Variants in SNX29 observed in about 807,000 individuals in gnomAD.
SNX29 encodes the protein sorting nexin-29.
A neutral mutation model predicts 102.1 loss-of-function variants in SNX29; 78 were observed. That is an observed-to-expected ratio of 0.76 (90% confidence interval 0.64 to 0.92). The LOEUF (loss-of-function observed/expected upper bound fraction) is 0.92, where lower values mean the gene tolerates loss of function less well. SNX29 is among the 40% of genes least tolerant of loss of function. SNX29 has a pLI of 0.00. For synonymous variants in SNX29, 580 were observed against 414.5 expected, an observed-to-expected ratio of 1.40 and a Z score of -4.85; for missense variants, 1,280 against 1,061.7, an observed-to-expected ratio of 1.21 and a Z score of -2.86.
chr16:12,412,368 A>G (rs58266676), intron 18 of SNX29, among the ~76,000 whole-genome samples: 14,791 of 152,182 alleles, frequency 0.097, 1,175 homozygotes, highest in African/African-American at 0.21. Flanking sequence ...TGTGCTTCAC[A>G]AATTTGTCTC....
At chr16:12,063,933 G>T (rs1247088818) in intron 9 of SNX29, among the ~76,000 whole-genome samples, 3 of 152,094 alleles carry the variant, frequency 2.0e-5, no homozygotes, top group African/African-American at 4.8e-5. Context: ...TTCAGCGGCA[G>T]TGTAGATGCA....
chr16:12,293,971 G>T (rs891123560), intron 15 of SNX29, among the ~76,000 whole-genome samples: 1 of 152,226 alleles, frequency 6.6e-6, no homozygotes, highest in African/African-American at 2.4e-5. Flanking sequence ...GGAGGAAACT[G>T]AGGTGTGGTG....
chr16:12,533,019 G>C (rs1227585193), intron 20 of SNX29, among the ~76,000 whole-genome samples: 4 of 152,188 alleles, frequency 2.6e-5, no homozygotes, highest in Non-Finnish European at 5.9e-5. Context: ...TGGGGAGAGT[G>C]CCACCAACAA....
intron 13 of SNX29, among the ~76,000 whole-genome samples, chr16:12,167,416 T>C (rs915539914): frequency 6.6e-6 from 1 of 152,136 alleles, no homozygotes; most frequent in African/African-American, 2.4e-5. Flanking sequence ...GCTCTTGATA[T>C]TTCTTGTTCC....
In SNX29 at chr16:12,415,629, A is replaced by G. The variant is rs563214573; in HGVS notation, c.2037+12100A>G. 3.2e-4 allele frequency among the ~76,000 whole-genome samples: 49 copies of G among 152,224 alleles called. No individual in the cohort carries two copies. The South Asian group carries it at 9.7e-3, about 30-fold the overall frequency. ...TCCGTCAGACCTTCCATCCCACCTG[A>G]TGATTGGGGCTGGTCTAGGATGTTA... On this transcript the variant is annotated intron_variant, in intron 18 of 20. Transcript: ENST00000566228.
At chr16:12,439,980 G>A (rs1479623425) in intron 18 of SNX29, among the ~76,000 whole-genome samples, 1 of 152,128 alleles carries the variant, frequency 6.6e-6, no homozygotes, top group Non-Finnish European at 1.5e-5. Context: ...GGGGACGTGG[G>A]GATGCAGCCC....
intron 9 of SNX29, among the ~76,000 whole-genome samples, chr16:12,062,776 A>G (rs1467621135): frequency 6.6e-6 from 1 of 152,174 alleles, no homozygotes; most frequent in African/African-American, 2.4e-5. Flanking sequence ...TGGGGTGTAG[A>G]TTCTTCCTGT....
intron 20 of SNX29, among the ~76,000 whole-genome samples, chr16:12,540,677 T>C (rs1262317223): frequency 2.6e-5 from 4 of 152,160 alleles, no homozygotes; most frequent in African/African-American, 9.7e-5. Context: ...CAGCTGCTGG[T>C]CCCTCTTGTT....
chr16:12,539,152 T>C (rs1036276652), intron 20 of SNX29, among the ~76,000 whole-genome samples: 2 of 152,304 alleles, frequency 1.3e-5, no homozygotes, highest in East Asian at 1.9e-4. Context: ...CAATTGACTT[T>C]TGCTCTTGTT....
chr16:12,291,467 CGTG>C (rs966070405), intron 15 of SNX29, among the ~76,000 whole-genome samples: 3 of 152,146 alleles, frequency 2.0e-5, no homozygotes, highest in African/African-American at 7.2e-5. Flanking sequence ...TCCCACGACA[CGTG>C]GGAATTGTGG....
intron 16 of SNX29, among the ~76,000 whole-genome samples, chr16:12,358,522 C>G (rs2082207635): frequency 6.6e-6 from 1 of 152,190 alleles, no homozygotes; most frequent in South Asian, 2.1e-4. Flanking sequence ...CCTTCTCCTG[C>G]TCTCTTTTCA....
At chr16:12,116,351 C>T (rs924990604) in intron 11 of SNX29, among the ~76,000 whole-genome samples, 2 of 152,152 alleles carry the variant, frequency 1.3e-5, no homozygotes, top group Admixed American at 6.5e-5. Flanking sequence ...GTGGCATATC[C>T]ATACAGTGGA....
intron 4 of SNX29, among the ~76,000 whole-genome samples, chr16:12,040,104 C>T (rs1391763063): frequency 6.6e-6 from 1 of 152,182 alleles, no homozygotes; most frequent in Non-Finnish European, 1.5e-5. Flanking sequence ...TGGCTCCCGA[C>T]TGTAATCCTA....
chr16:12,030,327 A>T (rs556129459), intron 4 of SNX29, among the ~76,000 whole-genome samples: 1 of 152,252 alleles, frequency 6.6e-6, no homozygotes, highest in South Asian at 2.1e-4. Context: ...GAATGTCTCT[A>T]TTTGGCGTAC....
intron 13 of SNX29, among the ~76,000 whole-genome samples, chr16:12,178,803 G>C (rs1390162322): frequency 1.3e-5 from 2 of 152,294 alleles, no homozygotes; most frequent in South Asian, 2.1e-4. Flanking sequence ...TGTGTGACTT[G>C]GAAGGAGCAT....
At chr16:12,505,368 A>G (rs139157694) in intron 19 of SNX29, among the ~76,000 whole-genome samples, 112 of 152,344 alleles carry the variant, frequency 7.4e-4, no homozygotes, top group African/African-American at 2.5e-3. Context: ...TATTTGAAAA[A>G]AAACCATTGT....
At chr16:12,452,429 T>G (rs1047762687) in intron 18 of SNX29, among the ~76,000 whole-genome samples, 1 of 25,362 alleles carries the variant, frequency 3.9e-5, no homozygotes, top group Admixed American at 4.0e-4. Context: ...CCAGGGACTG[T>G]GCTAAATGCA....
intron 14 of SNX29, among the ~76,000 whole-genome samples, chr16:12,247,459 T>G (rs760072287): frequency 6.6e-6 from 1 of 152,164 alleles, no homozygotes; most frequent in Non-Finnish European, 1.5e-5. Context: ...ATAAATACCT[T>G]CCGACTTACA....
chr16:12,265,141 C>A (rs922059475), intron 14 of SNX29, among the ~76,000 whole-genome samples: 3 of 152,126 alleles, frequency 2.0e-5, no homozygotes, highest in African/African-American at 7.2e-5. Context: ...CAGTTAGGGC[C>A]CAGAGTTCTT....
Sources: gnomAD v4.1 joint callset for allele counts (sites outside exome capture counted in the v4.1 genomes callset) on GRCh38, gnomAD v4.1.1 for gene constraint, MANE v1.5 for transcripts, NCBI Gene and HGNC (gene_info 2026-07-23, HGNC 2026-07-21) for gene names.